The following TMEM164 variants were observed in gnomAD, a reference collection of about 807,000 sequenced individuals.
The protein encoded by TMEM164 is transmembrane protein 164.
Under a neutral mutation model 18.8 loss-of-function variants are expected in TMEM164, and 4 were observed. The observed-to-expected ratio is 0.21, with a 90% confidence interval of 0.10 to 0.49. TMEM164 has a LOEUF of 0.49. Ranked by LOEUF, TMEM164 falls within the 20% of genes least tolerant of loss-of-function variation. The pLI is 0.98. For synonymous variants in TMEM164, 86 were observed against 101.7 expected, an observed-to-expected ratio of 0.85 and a Z score of 0.93; for missense variants, 108 against 239.9, an observed-to-expected ratio of 0.45 and a Z score of 3.63.
intron 2 of TMEM164, chrX:110,065,490 T>C (rs958643004): frequency 9.0e-6 from 1 of 111,168 alleles, no homozygotes; most frequent in African/African-American, 3.3e-5. Flanking sequence ...GCTGGGTAAC[T>C]ATGTGCAGCC....
At chrX:110,121,660 T>G (rs374561190) in intron 4 of TMEM164, among the ~76,000 whole-genome samples, 6 of 112,393 alleles carry the variant, frequency 5.3e-5, no homozygotes, top group African/African-American at 1.9e-4. Context: ...GCTATGAACA[T>G]TTGTATAAAG....
chrX:110,135,946 A>G (rs982975470), intron 4 of TMEM164, among the ~76,000 whole-genome samples: 1 of 112,081 alleles, frequency 8.9e-6, no homozygotes, highest in Non-Finnish European at 1.9e-5. Context: ...CAACATTTCT[A>G]TAATACCATC....
At chrX:110,125,867 T>C (rs1413807506) in intron 4 of TMEM164, among the ~76,000 whole-genome samples, 1 of 112,510 alleles carries the variant, frequency 8.9e-6, no homozygotes, top group African/African-American at 3.2e-5. Flanking sequence ...TCATTCTGTC[T>C]GAGGGTTTGA....
At chrX:110,128,950 T>C (rs1184654215) in intron 4 of TMEM164, among the ~76,000 whole-genome samples, 2 of 111,880 alleles carry the variant, frequency 1.8e-5, no homozygotes, top group East Asian at 5.6e-4. Flanking sequence ...GTTTTCTTTA[T>C]TTTAAATATT....
chrX:110,115,770 CA>C (rs1221675357), intron 4 of TMEM164, among the ~76,000 whole-genome samples: 1 of 111,483 alleles, frequency 9.0e-6, no homozygotes, highest in Non-Finnish European at 1.9e-5. Flanking sequence ...AAAGTTATGG[CA>C]ATATTAAAGT....
intron 3 of TMEM164, among the ~76,000 whole-genome samples, chrX:110,070,381 T>C (rs891992511): frequency 1.5e-4 from 17 of 111,954 alleles, no homozygotes; most frequent in African/African-American, 5.5e-4. Context: ...AATTTTAAGA[T>C]CACTTATATT....
chrX:110,002,541 G>A (rs1443759704), upstream of TMEM164: 1 of 110,122 alleles, frequency 9.1e-6, no homozygotes, highest in Non-Finnish European at 1.9e-5. Context: ...GGCGTGTGGT[G>A]GGGCGAGAGC....
chrX:110,131,512 A>G (rs1237099292), intron 4 of TMEM164, among the ~76,000 whole-genome samples: 1 of 111,324 alleles, frequency 9.0e-6, no homozygotes, highest in African/African-American at 3.3e-5. Context: ...GGGTAGAGGA[A>G]AATGATGTGT....
In TMEM164 at chrX:110,152,213, G is replaced by A. The variant is rs747405959; in HGVS notation, c.586+7337G>A. On this transcript the variant is annotated intron_variant, in intron 5 of 6. Coordinates refer to ENST00000372068, the MANE Select transcript of TMEM164 (RefSeq NM_032227.4). ...TGGGACTATAGGCACGTGCCACCAC[G>A]CCCGGCTAATTTTTGTATTTTTAGT... Among the ~76,000 whole-genome samples the A allele has an allele frequency of 2.0e-4, 22 of 108,885 alleles. 1 individual carries two copies. The South Asian group carries it at 5.6e-3, about 28-fold the overall frequency. 94.6% of individuals were successfully genotyped at this position (108,885 alleles called of 115,157 possible). A position where few individuals can be genotyped will look rare whatever the true frequency, so the allele number is the denominator to read the frequency against.
At chrX:110,105,305 T>G (rs1342892215) in intron 3 of TMEM164, among the ~76,000 whole-genome samples, 2 of 110,670 alleles carry the variant, frequency 1.8e-5, no homozygotes, top group African/African-American at 6.6e-5. Flanking sequence ...CATGCACATT[T>G]TAATGCATTT....
At chrX:110,130,681 CTT>C (rs752247755) in intron 4 of TMEM164, among the ~76,000 whole-genome samples, 6 of 96,179 alleles carry the variant, frequency 6.2e-5, no homozygotes, top group African/African-American at 3.7e-5. Flanking sequence ...ACCTCTGTAT[CTT>C]TTTTTTTTTT....
At chrX:110,158,330 G>A (rs1253055153) in intron 5 of TMEM164, among the ~76,000 whole-genome samples, 1 of 112,118 alleles carries the variant, frequency 8.9e-6, no homozygotes, top group Non-Finnish European at 1.9e-5. Flanking sequence ...TACCCCATTT[G>A]GGGTTCAGCA....
At chrX:110,110,292 T>C (rs1288714287) in intron 4 of TMEM164, among the ~76,000 whole-genome samples, 3 of 112,110 alleles carry the variant, frequency 2.7e-5, no homozygotes, top group African/African-American at 9.7e-5. Context: ...GTAGAAATTA[T>C]AGAGAAAACA....
intron 5 of TMEM164, among the ~76,000 whole-genome samples, chrX:110,166,832 T>A (rs1405807685): frequency 8.9e-6 from 1 of 112,461 alleles, no homozygotes; most frequent in Non-Finnish European, 1.9e-5. Context: ...CTGTTTTCTT[T>A]TAGAAGAAAA....
At chrX:110,007,537 A>G (rs1383274506) in intron 2 of TMEM164, among the ~76,000 whole-genome samples, 3 of 112,203 alleles carry the variant, frequency 2.7e-5, no homozygotes, top group Admixed American at 9.4e-5. Context: ...CAGGGAGTGA[A>G]TTTATGGAGT....
chrX:110,066,120 CT>C (rs1486177643), intron 2 of TMEM164, among the ~76,000 whole-genome samples: 1 of 111,508 alleles, frequency 9.0e-6, no homozygotes, highest in Non-Finnish European at 1.9e-5. Context: ...ATTCTTCTTC[CT>C]CTTCTTATTG....
At chrX:110,053,577 T>G (rs1935671134) in intron 2 of TMEM164, among the ~76,000 whole-genome samples, 1 of 111,185 alleles carries the variant, frequency 9.0e-6, no homozygotes, top group Non-Finnish European at 1.9e-5. Flanking sequence ...GGCCATAGAG[T>G]TCATTGGTGG....
rs1407736243 is a variant in TMEM164, at chrX:110,042,510, T to C, written c.391-24837T>C. On this transcript the variant is annotated intron_variant, in intron 2 of 6. Coordinates refer to ENST00000372068, the MANE Select transcript of TMEM164 (RefSeq NM_032227.4). ...GCATACAAGTATTTGTTTGAGTCCTTGTTTTCAGTTCTTTTGGGTATGTAT... is the reference window on the plus strand; with the variant it reads ...GCATACAAGTATTTGTTTGAGTCCTCGTTTTCAGTTCTTTTGGGTATGTAT... Among the ~76,000 whole-genome samples, 4 of 111,889 alleles carry C rather than the reference T, an allele frequency of 3.6e-5. No homozygotes were observed. The East Asian group carries it at 1.1e-3, about 31-fold the overall frequency.
chrX:110,069,620 T>C (rs968879875), intron 3 of TMEM164, among the ~76,000 whole-genome samples: 8 of 107,811 alleles, frequency 7.4e-5, no homozygotes, highest in Non-Finnish European at 1.5e-4. Context: ...GGTTTCACCA[T>C]GTTGGCCAGG....
Sources: allele counts gnomAD v4.1 joint callset (sites outside exome capture counted in the v4.1 genomes callset), GRCh38; gene constraint gnomAD v4.1.1; transcripts MANE v1.5; gene names NCBI Gene and HGNC (gene_info 2026-07-23, HGNC 2026-07-21).